Variants in TMEM131 observed in about 807,000 individuals in gnomAD.
The protein encoded by TMEM131 is transmembrane protein 131.
A neutral mutation model predicts 211.6 loss-of-function variants in TMEM131; 66 were observed. The ratio of observed to expected loss-of-function variants is 0.31; its 90% CI spans 0.26 to 0.38. TMEM131 has a LOEUF of 0.38. Ranked by LOEUF, TMEM131 falls within the 10% of genes least tolerant of loss-of-function variation. The pLI, the probability that TMEM131 is intolerant of heterozygous loss-of-function variation, is 1.00. For missense variants in TMEM131, 2,036 were observed against 2,299.3 expected (o/e 0.89, Z 2.34); for synonymous variants, 844 against 841.3 (o/e 1.00, Z -0.06).
intron 4 of TMEM131, among the ~76,000 whole-genome samples, chr2:97,874,156 C>G (rs974015279): frequency 6.7e-6 from 1 of 150,040 alleles, no homozygotes; most frequent in East Asian, 1.9e-4. Context: ...AAATAAAGAG[C>G]AAAGACAAGA....
At chr2:97,897,473 T>A (rs1029763757) in intron 3 of TMEM131, among the ~76,000 whole-genome samples, 2 of 152,156 alleles carry the variant, frequency 1.3e-5, no homozygotes, top group Admixed American at 6.6e-5. Flanking sequence ...GCTGAACAGA[T>A]GCTGAATGTT....
intron 2 of TMEM131, among the ~76,000 whole-genome samples, chr2:97,909,149 A>G (rs1041310081): frequency 5.1e-4 from 78 of 152,240 alleles, no homozygotes; most frequent in African/African-American, 1.9e-3. Context: ...TGCTGTGAAC[A>G]GGAATAAATA....
At chr2:97,959,106 T>G (rs1018000561) in intron 1 of TMEM131, among the ~76,000 whole-genome samples, 1 of 151,934 alleles carries the variant, frequency 6.6e-6, no homozygotes, top group African/African-American at 2.4e-5. Context: ...GGTTTCTGAG[T>G]GGCAGAGAGA....
In TMEM131 at chr2:97,866,288, G is replaced by A. The variant is rs77521727; in HGVS notation, c.360-6861C>T. 3.2e-3 allele frequency among the ~76,000 whole-genome samples: 491 copies of A among 152,248 alleles called. 7 individuals carry two copies. The East Asian group carries it at 0.04, about 12-fold the overall frequency. On this transcript the variant is annotated intron_variant, in intron 4 of 40. Transcript: ENST00000186436. ...CAGTTTGTGTATTTTGGGTCTTTCC[G>A]GAAATCTGTCCATTTCAACTAAGTT...
chr2:97,970,280 G>A (rs1013436710), intron 1 of TMEM131, among the ~76,000 whole-genome samples: 1 of 152,164 alleles, frequency 6.6e-6, no homozygotes, highest in Non-Finnish European at 1.5e-5. Flanking sequence ...GAGCATAAGG[G>A]TATCAAGGCT....
intron 2 of TMEM131, among the ~76,000 whole-genome samples, chr2:97,912,756 A>G (rs750161782): frequency 6.6e-6 from 1 of 152,096 alleles, no homozygotes; most frequent in Non-Finnish European, 1.5e-5. Context: ...GTCATACTTA[A>G]GGACTTCAGC....
chr2:97,882,476 T>G (rs1168861048), intron 4 of TMEM131, among the ~76,000 whole-genome samples: 1 of 152,204 alleles, frequency 6.6e-6, no homozygotes, highest in Non-Finnish European at 1.5e-5. Context: ...GGAAGCACTT[T>G]CAAAGAAAGC....
intron 38 of TMEM131, 40 bp downstream of exon 38, chr2:97,760,553 G>A (rs368213699): frequency 1.3e-6 from 2 of 1,563,800 alleles, no homozygotes; most frequent in African/African-American, 2.7e-5. Context: ...GACTTGAGAA[G>A]CCTTCCGTCT....
intron 1 of TMEM131, among the ~76,000 whole-genome samples, chr2:97,940,863 AG>A (rs1031508643): frequency 1.3e-5 from 2 of 152,098 alleles, no homozygotes; most frequent in African/African-American, 2.4e-5. Context: ...GCTCATGGAT[AG>A]GAAGAATCAG....
intron 4 of TMEM131, among the ~76,000 whole-genome samples, chr2:97,886,399 A>C (rs1245799380): frequency 6.6e-6 from 1 of 151,982 alleles, no homozygotes; most frequent in Non-Finnish European, 1.5e-5. Flanking sequence ...TTCCAATTTT[A>C]TGGAGTACAT....
Position 97,792,746 on chromosome 2 carries a change from G to A in TMEM131, c.3784C>T (p.Pro1262Ser), listed in dbSNP as rs1433504725. 7 of 1,613,910 alleles carry A rather than the reference G, an allele frequency of 4.3e-6. No individual in the cohort carries two copies. Among genetic ancestry groups the A allele is most frequent in the Non-Finnish European group, 1.7e-6 (2 of 1,179,910 alleles). Residue 1262 changes from proline (P) to serine (S), a missense_variant, in exon 31 of 41, where the codon CCC becomes TCC. Physicochemically the swap from Pro to Ser is moderately conservative, Grantham distance 74. This residue lies in a region of TMEM131 where 1,623 missense variants were observed against 1,805.9 expected (regional missense o/e 0.90). Coordinates refer to ENST00000186436, the MANE Select transcript of TMEM131 (RefSeq NM_015348.2). The part of the protein sequence containing the change: ...ASSQSANKTS[P>S]LVLDSNTVTQ... ...ACTGTGTTCGAATCTAAGACAAGGGGGCTTGTTTTGTTAGCAGACTGTGAA... is the reference window on the plus strand; with the variant it reads ...ACTGTGTTCGAATCTAAGACAAGGGAGCTTGTTTTGTTAGCAGACTGTGAA...
chr2:97,958,692 G>C (rs1441968671), intron 1 of TMEM131, among the ~76,000 whole-genome samples: 1 of 152,196 alleles, frequency 6.6e-6, no homozygotes, highest in Non-Finnish European at 1.5e-5. Flanking sequence ...AGAAAGGAAA[G>C]GCTTAATTCA....
chr2:97,975,612 T>C (rs1221875368), intron 1 of TMEM131, among the ~76,000 whole-genome samples: 1 of 151,982 alleles, frequency 6.6e-6, no homozygotes, highest in Non-Finnish European at 1.5e-5. Context: ...TTCTTAAAAA[T>C]TGAAATTGTG....
chr2:97,902,082 T>C (rs951566117), intron 3 of TMEM131, among the ~76,000 whole-genome samples: 1 of 150,934 alleles, frequency 6.6e-6, no homozygotes, highest in African/African-American at 2.4e-5. Flanking sequence ...TATTATGCAA[T>C]AATAAAAAAA....
chr2:97,810,585 C>T (rs1220086125), intron 18 of TMEM131, among the ~76,000 whole-genome samples: 4 of 152,152 alleles, frequency 2.6e-5, no homozygotes, highest in African/African-American at 9.7e-5. Context: ...ACATTTAGGT[C>T]TGGCAGAAAT....
intron 2 of TMEM131, among the ~76,000 whole-genome samples, chr2:97,925,877 G>A (rs1359313759): frequency 3.3e-5 from 5 of 152,152 alleles, no homozygotes; most frequent in Admixed American, 1.3e-4. Flanking sequence ...TTGGGAGGCC[G>A]AGGCGGGCGG....
intron 11 of TMEM131, among the ~76,000 whole-genome samples, chr2:97,824,093 G>A (rs1682259594): frequency 6.6e-6 from 1 of 152,202 alleles, no homozygotes; most frequent in Admixed American, 6.5e-5. Flanking sequence ...CAATCACCTG[G>A]TAGGGCTTGT....
intron 11 of TMEM131, among the ~76,000 whole-genome samples, chr2:97,829,492 A>G (rs1682556619): frequency 6.6e-6 from 1 of 152,204 alleles, no homozygotes; most frequent in South Asian, 2.1e-4. Context: ...TTGTAAATGC[A>G]ACAATCAGCA....
At chr2:97,969,679 T>A (rs977922449) in intron 1 of TMEM131, among the ~76,000 whole-genome samples, 1 of 152,324 alleles carries the variant, frequency 6.6e-6, no homozygotes, top group East Asian at 1.9e-4. Flanking sequence ...CATACATCAC[T>A]GTACACAAAC....
Sources: gnomAD v4.1 joint callset for allele counts (sites outside exome capture counted in the v4.1 genomes callset) on GRCh38, gnomAD v4.1.1 for gene constraint, gnomAD v4.1.1 regional missense constraint, MANE v1.5 for transcripts, NCBI Gene and HGNC (gene_info 2026-07-23, HGNC 2026-07-21) for gene names.